Variants in CDC34 observed in about 807,000 individuals in gnomAD.
CDC34 encodes the protein cell division cycle 34, ubiquitin conjugating enzyme.
In CDC34, 18 loss-of-function variants were observed where a neutral mutation model predicts 26.8. That is an observed-to-expected ratio of 0.67 (90% CI 0.47 to 1.00). The LOEUF is 1.00. Among genes scored for constraint, CDC34 ranks in the 50% least tolerant of loss-of-function variants. The probability of loss-of-function intolerance (pLI) is 0.00; values close to 1 mark genes in which losing one functional copy is unlikely to be tolerated. For synonymous variants in CDC34, 178 were observed against 147.5 expected, an observed-to-expected ratio of 1.21 and a Z score of -1.50; for missense variants, 280 against 334.5, an observed-to-expected ratio of 0.84 and a Z score of 1.27.
At chr19:535,715 G>A (rs1979706805) in intron 1 of CDC34, 122 bp from the exon 2 acceptor site, 3 of 779,742 alleles carry the variant, frequency 3.8e-6, no homozygotes, top group African/African-American at 1.7e-5. Context: ...GGCAGGATAC[G>A]GTGTCCCTCA....
In CDC34 at chr19:541,350, TG is replaced by T; in HGVS notation, c.513del (p.Thr172ProfsTer10). 6.3e-7 allele frequency: 1 copy of T among 1,583,308 alleles called. No individual in the cohort carries two copies. On this transcript the variant is annotated frameshift_variant, in exon 5 of 5. Transcript: ENST00000215574. LOFTEE classifies it high-confidence loss of function. ...EYTDIIRKQV[L>X]GTKVDAERDG... ...CCCTGTCCCCCCAGGAAGCAGGTCCTGGGGACCAAGGTGGACGCGGAGCGTG... is the reference window on the plus strand; with the variant it reads ...CCCTGTCCCCCCAGGAAGCAGGTCCTGGGACCAAGGTGGACGCGGAGCGTG...
chr19:533,460 G>A (rs1165059560), intron 1 of CDC34, among the ~76,000 whole-genome samples: 1 of 152,236 alleles, frequency 6.6e-6, no homozygotes, highest in Non-Finnish European at 1.5e-5. Context: ...TGGGACGCCC[G>A]TGGGTTCTGC....
At chr19:539,430 A>G (rs955677279) in intron 4 of CDC34, among the ~76,000 whole-genome samples, 2 of 149,836 alleles carry the variant, frequency 1.3e-5, no homozygotes, top group African/African-American at 5.0e-5. Context: ...GGGCACTGTC[A>G]GTCACCCCCC....
intron 4 of CDC34, among the ~76,000 whole-genome samples, chr19:539,252 C>T (rs1258753306): frequency 2.0e-5 from 3 of 152,086 alleles, no homozygotes; most frequent in South Asian, 2.1e-4. Context: ...GGTGTGCCGG[C>T]GGCACCTCCA....
In CDC34 at chr19:537,159, C is replaced by CG; in HGVS notation, c.497+17dup. The CG allele has an allele frequency of 6.2e-7, 1 of 1,611,996 alleles. No homozygotes were observed. The highest frequency in any genetic ancestry group is 8.5e-7 in the Non-Finnish European group (1 of 1,179,586). On this transcript the variant is annotated intron_variant, in intron 4 of 4. Coordinates refer to ENST00000215574, the MANE Select transcript of CDC34 (RefSeq NM_004359.2). ...ACAGACATCATCCGGTGAGGGCGGG[C>CG]GGGGGCGTCACGGGAGGAGAGACTC...
intron 1 of CDC34, among the ~76,000 whole-genome samples, chr19:533,504 A>C (rs1331160659): frequency 1.3e-5 from 2 of 152,192 alleles, no homozygotes; most frequent in Non-Finnish European, 2.9e-5. Context: ...CAGGGAACAG[A>C]GTTTGGGTCT....
chr19:538,911 C>G (rs550579219), intron 4 of CDC34: 2 of 985,088 alleles, frequency 2.0e-6, no homozygotes, highest in African/African-American at 3.5e-5. Context: ...GGCCCCGGTC[C>G]GGTCGTGTCA....
intron 4 of CDC34, among the ~76,000 whole-genome samples, chr19:537,619 A>G (rs1181153745): frequency 1.5e-5 from 2 of 133,458 alleles, no homozygotes; most frequent in Non-Finnish European, 3.2e-5. Flanking sequence ...CCCAAAGTGC[A>G]GGGATTACAG....
In CDC34 at chr19:536,284, C is replaced by T. The variant is rs1326670665; in HGVS notation, c.306C>T (p.Asp102=). ...VCISILHPPV[D]DPQSGELPSE... ...TCTCCATCCTCCACCCGCCGGTGGACGACCCCCAGAGCGGGGAGCTGCCCT... is the reference window on the plus strand; with the variant it reads ...TCTCCATCCTCCACCCGCCGGTGGATGACCCCCAGAGCGGGGAGCTGCCCT... The change falls in exon 3 of 5, where the codon GAC becomes GAT. Residue 102 remains aspartate (D), a synonymous_variant. Transcript: ENST00000215574. 4.3e-6 allele frequency: 7 copies of T among 1,612,292 alleles called. No homozygotes were observed. The highest frequency in any genetic ancestry group is 2.2e-5 in the South Asian group (2 of 90,912).
intron 1 of CDC34, among the ~76,000 whole-genome samples, chr19:533,913 C>A (rs1979609192): frequency 6.6e-6 from 1 of 152,204 alleles, no homozygotes; most frequent in African/African-American, 2.4e-5. Context: ...GCCGCTGCTG[C>A]CCAGCCACTG....
At position 541,329 on chromosome 19, in the gene CDC34, G is replaced by A. The variant is rs968089582; in HGVS notation, c.498-10G>A. ...CGTGGGTGGCGCCCTCACCCACCCT[G>A]TCCCCCCAGGAAGCAGGTCCTGGGG... On this transcript the variant is annotated splice_polypyrimidine_tract_variant and intron_variant, in intron 4 of 4. Transcript: ENST00000215574. 2 of 1,548,998 alleles carry A rather than the reference G, an allele frequency of 1.3e-6. No individual in the cohort carries two copies. The highest frequency in any genetic ancestry group is 3.9e-5 in the Admixed American group (2 of 51,768).
intron 4 of CDC34, chr19:538,556 G>A (rs1318434609): frequency 4.0e-6 from 1 of 250,032 alleles, no homozygotes; most frequent in East Asian, 1.8e-4. Flanking sequence ...TTCTCAGAGT[G>A]ATATTGCATA....
Position 541,442 on chromosome 19 carries a change from G to A in CDC34, c.601G>A (p.Glu201Lys), listed in dbSNP as rs201584025. 1.5e-4 allele frequency: 236 copies of A among 1,612,926 alleles called. No homozygotes were observed. The highest frequency in any genetic ancestry group is 1.5e-4 in the South Asian group (14 of 91,076). ...GAAGACCAAGGCGCCGGCGCCCGAC[G>A]AGGGCTCAGACCTCTTCTACGACGA... ...CVKTKAPAPD[E>K]GSDLFYDDYY... The change falls in exon 5 of 5, where the codon GAG (glutamate) becomes AAG (lysine). Residue 201 changes from glutamate (E) to lysine (K), a missense_variant. Transcript: ENST00000215574.
At chr19:538,823 G>C in intron 4 of CDC34, 1 of 985,200 alleles carries the variant, frequency 1.0e-6, no homozygotes, top group Non-Finnish European at 1.2e-6. Context: ...CCTGGGAAGT[G>C]GCCTGCAAGC....
chr19:536,035 G>C (rs573554406), intron 2 of CDC34, 112 bp downstream of exon 2: 1 of 1,180,138 alleles, frequency 8.5e-7, no homozygotes, highest in South Asian at 1.2e-5. Flanking sequence ...TCACGTCCTC[G>C]TCCTCCGGGA....
At position 536,829 on chromosome 19, in the gene CDC34, G is replaced by T; in HGVS notation, c.363-184G>T. On this transcript the variant is annotated intron_variant, in intron 3 of 4. Transcript: ENST00000215574. ...CCCTCCCTGGTCTTGGCGTGGGAGG[G>T]AGGAGACTGATGCAGGTCCAGCCCC... The T allele has an allele frequency of 3.1e-6, 2 of 647,326 alleles. 1 individual carries two copies. The highest frequency in any genetic ancestry group is 3.7e-5 in the South Asian group (2 of 54,052). 40.1% of individuals were successfully genotyped at this position (647,326 alleles called of 1,614,324 possible).
intron 1 of CDC34, among the ~76,000 whole-genome samples, chr19:532,410 T>A (rs987859404): frequency 1.3e-5 from 2 of 152,186 alleles, no homozygotes; most frequent in Non-Finnish European, 2.9e-5. Context: ...GGGCCCTCCC[T>A]GTAGCATCTG....
In CDC34 at chr19:536,300, G is replaced by A. The variant is rs1453268355; in HGVS notation, c.322G>A (p.Glu108Lys). The A allele has an allele frequency of 1.2e-6, 2 of 1,612,400 alleles. No individual in the cohort carries two copies. Among genetic ancestry groups the A allele is most frequent in the African/African-American group, 2.7e-5 (2 of 74,880 alleles). Residue 108 changes from glutamate to lysine, a missense_variant, in exon 3 of 5, where the codon GAG (glutamate) becomes AAG (lysine). Coordinates refer to ENST00000215574, the MANE Select transcript of CDC34 (RefSeq NM_004359.2). The stretch of plus-strand genomic sequence containing the variant: ...GCCGGTGGACGACCCCCAGAGCGGG[G>A]AGCTGCCCTCAGAGAGGTGGAACCC... ...HPPVDDPQSG[E>K]LPSERWNPTQ...
intron 1 of CDC34, 95 bp from the exon 2 acceptor site, chr19:535,742 C>A (rs1979708207): frequency 2.2e-6 from 2 of 926,128 alleles, no homozygotes; most frequent in African/African-American, 3.2e-5. Flanking sequence ...CCCTCAGGCA[C>A]CAGCACTGGG....
Sources: gnomAD v4.1 joint callset for allele counts (sites outside exome capture counted in the v4.1 genomes callset) on GRCh38, gnomAD v4.1.1 for gene constraint, MANE v1.5 for transcripts, NCBI Gene and HGNC (gene_info 2026-07-23, HGNC 2026-07-21) for gene names.